DNAH8: variants seen among roughly 807,000 people sequenced by gnomAD.
DNAH8 encodes axonemal beta dynein heavy chain 8.
In DNAH8, 382 loss-of-function variants were observed where a neutral mutation model predicts 562.1. The observed-to-expected ratio is 0.68, with a 90% CI of 0.63 to 0.74. DNAH8 has a LOEUF of 0.74. Among genes scored for constraint, DNAH8 ranks in the 30% least tolerant of loss-of-function variants. The pLI is 0.00. For synonymous variants in DNAH8, 1,881 were observed against 1,919.4 expected, an observed-to-expected ratio of 0.98 and a Z score of 0.52; for missense variants, 5,203 against 5,620.4, an observed-to-expected ratio of 0.93 and a Z score of 2.37.
chr6:38,896,159 G>C lies in DNAH8; in HGVS notation c.8874G>C (p.Glu2958Asp). ...CATACTTTGTGGATTTTCTTCGTGA[G>C]ATGCCAGAACCAACTGGTGATGAAC... ...PEPYFVDFLR[E>D]MPEPTGDEPE... Residue 2958 changes from glutamate to aspartate, a missense_variant, in exon 60 of 93, where the codon GAG becomes GAC. Transcript: ENST00000327475. 1.2e-6 allele frequency: 2 copies of C among 1,613,994 alleles called. No homozygotes were observed. The highest frequency in any genetic ancestry group is 1.7e-6 in the Non-Finnish European group (2 of 1,179,972).
chr6:38,828,121 G>C, intron 29 of DNAH8, 63 bp from the exon 30 acceptor site: 1 of 1,031,656 alleles, frequency 9.7e-7, no homozygotes, highest in Non-Finnish European at 1.5e-6. Context: ...TCTAGAAGGC[G>C]TCTAAATCAT....
intron 91 of DNAH8, among the ~76,000 whole-genome samples, chr6:39,021,558 T>C (rs1766919341): frequency 6.6e-6 from 1 of 152,244 alleles, no homozygotes; most frequent in Non-Finnish European, 1.5e-5. Flanking sequence ...GGTGCATTTT[T>C]ATTCAACGGG....
intron 41 of DNAH8, 137 bp from the exon 42 acceptor site, chr6:38,857,381 T>C: frequency 1.6e-6 from 1 of 624,394 alleles, no homozygotes. Flanking sequence ...ACTTTAACTG[T>C]TTCCCTCCTT....
At chr6:38,947,209 C>T (rs1428190235) in intron 80 of DNAH8, among the ~76,000 whole-genome samples, 1 of 152,198 alleles carries the variant, frequency 6.6e-6, no homozygotes, top group Non-Finnish European at 1.5e-5. Flanking sequence ...CTTACACCAC[C>T]GATTGGGCCA....
At chr6:38,925,404 T>G (rs887698769) in intron 73 of DNAH8, among the ~76,000 whole-genome samples, 2 of 151,826 alleles carry the variant, frequency 1.3e-5, no homozygotes, top group African/African-American at 4.8e-5. Flanking sequence ...GCTGTGATCA[T>G]GGCTCACAGC....
At chr6:38,984,160 T>A in intron 86 of DNAH8, 46 bp from the exon 87 acceptor site, 1 of 1,111,536 alleles carries the variant, frequency 9.0e-7, no homozygotes, top group Non-Finnish European at 1.3e-6. Flanking sequence ...TTTATAATGA[T>A]GTGTTTGGGT....
At chr6:38,984,739 C>T (rs1195290315) in intron 87 of DNAH8, among the ~76,000 whole-genome samples, 6 of 152,084 alleles carry the variant, frequency 3.9e-5, no homozygotes, top group South Asian at 2.1e-4. Flanking sequence ...TGCAGTGAAC[C>T]GGGATCGCAC....
At chr6:38,831,773 A>T (rs1773855043) in intron 30 of DNAH8, among the ~76,000 whole-genome samples, 1 of 152,192 alleles carries the variant, frequency 6.6e-6, no homozygotes, top group Admixed American at 6.5e-5. Context: ...AATTTTCTTC[A>T]TAGGGTTGTT....
chr6:38,718,267 T>A (rs1465396791), intron 1 of DNAH8, among the ~76,000 whole-genome samples: 1 of 152,082 alleles, frequency 6.6e-6, no homozygotes, highest in African/African-American at 2.4e-5. Context: ...GTATATATAT[T>A]GTATATCTAT....
intron 48 of DNAH8, among the ~76,000 whole-genome samples, chr6:38,869,685 C>T (rs1182217460): frequency 6.6e-6 from 1 of 152,118 alleles, no homozygotes; most frequent in Non-Finnish European, 1.5e-5. Flanking sequence ...ATGGCTATTT[C>T]CCCAATTTAA....
In DNAH8 at chr6:38,924,024, C is replaced by T. The variant is rs267601019; in HGVS notation, c.10824C>T (p.Phe3608=). 6.2e-7 allele frequency: 1 copy of T among 1,613,946 alleles called. No homozygotes were observed. Residue 3608 remains phenylalanine, a synonymous_variant, in exon 73 of 93, where the codon TTC becomes TTT. Coordinates refer to ENST00000327475, the MANE Select transcript of DNAH8 (RefSeq NM_001206927.2). ...GTGATATTCTGCTGTGCACGGGATT[C>T]CTTTCCTACCTTGGTCCTTTCAATC... ...LVGDILLCTG[F]LSYLGPFNQI...
intron 48 of DNAH8, among the ~76,000 whole-genome samples, chr6:38,868,936 G>A (rs1777268460): frequency 1.3e-5 from 2 of 152,042 alleles, no homozygotes; most frequent in South Asian, 4.2e-4. Flanking sequence ...GCCTCCCAAA[G>A]TGCTGGGATT....
intron 37 of DNAH8, 57 bp downstream of exon 37, chr6:38,848,858 T>A (rs1312886977): frequency 6.4e-7 from 1 of 1,550,876 alleles, no homozygotes; most frequent in Non-Finnish European, 8.9e-7. Flanking sequence ...TGTCTATATG[T>A]CTCTGTAAAA....
intron 73 of DNAH8, among the ~76,000 whole-genome samples, chr6:38,924,369 G>C (rs985902778): frequency 4.0e-5 from 6 of 151,872 alleles, no homozygotes; most frequent in Admixed American, 2.6e-4. Context: ...AAAGTTAGCC[G>C]GGCATGATGG....
intron 26 of DNAH8, among the ~76,000 whole-genome samples, chr6:38,822,042 C>T (rs1026680724): frequency 1.3e-5 from 2 of 152,144 alleles, no homozygotes; most frequent in African/African-American, 4.8e-5. Context: ...AGGCCGATTC[C>T]TCCACTGGCC....
At chr6:38,732,182 T>G (rs1354825162) in intron 4 of DNAH8, among the ~76,000 whole-genome samples, 5 of 152,236 alleles carry the variant, frequency 3.3e-5, no homozygotes, top group Admixed American at 6.5e-5. Context: ...AAAAAATTCG[T>G]TATAGTATAA....
intron 4 of DNAH8, among the ~76,000 whole-genome samples, chr6:38,733,493 GA>G (rs1380294495): frequency 6.6e-6 from 1 of 152,162 alleles, no homozygotes; most frequent in African/African-American, 2.4e-5. Flanking sequence ...AGATGAGTAG[GA>G]ATTTGTAGGT....
intron 82 of DNAH8, among the ~76,000 whole-genome samples, chr6:38,955,515 C>T (rs1401388947): frequency 6.6e-6 from 1 of 151,966 alleles, no homozygotes; most frequent in Non-Finnish European, 1.5e-5. Flanking sequence ...CTTGTAATCC[C>T]AGTTACTCGG....
At chr6:38,929,764 T>C in intron 75 of DNAH8, 98 bp downstream of exon 75, 2 of 1,125,304 alleles carry the variant, frequency 1.8e-6, no homozygotes. Flanking sequence ...AGAACAATGG[T>C]GACATCTACT....
Sources: gnomAD v4.1 joint callset for allele counts (sites outside exome capture counted in the v4.1 genomes callset) on GRCh38, gnomAD v4.1.1 for gene constraint, MANE v1.5 for transcripts, NCBI Gene and HGNC (gene_info 2026-07-23, HGNC 2026-07-21) for gene names.